Variants in EML6 observed in about 807,000 individuals in gnomAD.
The protein encoded by EML6 is EMAP like 6.
Under a neutral mutation model 240.1 loss-of-function variants are expected in EML6, and 154 were observed. The observed-to-expected ratio is 0.64, with a 90% CI of 0.56 to 0.73. The LOEUF (loss-of-function observed/expected upper bound fraction) is 0.73. EML6 is among the 30% of genes least tolerant of loss of function. EML6 has a pLI of 0.00. For missense variants in EML6, 2,964 were observed against 2,474.6 expected (o/e 1.20, Z -4.20); for synonymous variants, 1,148 against 899.0 (o/e 1.28, Z -4.95).
chr2:54,918,683 C>A (rs1383365189), intron 26 of EML6, among the ~76,000 whole-genome samples: 2 of 152,290 alleles, frequency 1.3e-5, no homozygotes, highest in Non-Finnish European at 2.9e-5. Context: ...TGTAACAATT[C>A]TTTAATCAGT....
intron 16 of EML6, among the ~76,000 whole-genome samples, chr2:54,877,895 A>C (rs1396555405): frequency 6.6e-6 from 1 of 152,224 alleles, no homozygotes; most frequent in African/African-American, 2.4e-5. Context: ...ACTCTCCTTC[A>C]TCCAGAAAAG....
At chr2:54,932,524 C>A (rs928542702) in intron 28 of EML6, among the ~76,000 whole-genome samples, 1 of 152,180 alleles carries the variant, frequency 6.6e-6, no homozygotes, top group Non-Finnish European at 1.5e-5. Flanking sequence ...ACACCTCTTA[C>A]TCTCAACTTT....
chr2:54,794,714 A>C (rs1272575450), intron 2 of EML6, among the ~76,000 whole-genome samples: 1 of 152,198 alleles, frequency 6.6e-6, no homozygotes, highest in African/African-American at 2.4e-5. Flanking sequence ...GATTAACTTT[A>C]ATAGTAAAAA....
intron 2 of EML6, among the ~76,000 whole-genome samples, chr2:54,806,223 G>C (rs2104000033): frequency 6.6e-6 from 1 of 152,166 alleles, no homozygotes; most frequent in East Asian, 1.9e-4. Context: ...ATTCCAAATG[G>C]TTTTTACCAG....
intron 5 of EML6, among the ~76,000 whole-genome samples, chr2:54,820,695 G>T (rs1668293142): frequency 6.6e-6 from 1 of 152,130 alleles, no homozygotes; most frequent in South Asian, 2.1e-4. Flanking sequence ...AGCTGAAAAG[G>T]AAATTTTATG....
chr2:54,797,583 A>G (rs1025107725), intron 2 of EML6, among the ~76,000 whole-genome samples: 5 of 152,090 alleles, frequency 3.3e-5, no homozygotes, highest in African/African-American at 1.2e-4. Context: ...CTAAGTGTGC[A>G]ATAGCATTAT....
Position 54,957,951 on chromosome 2 carries a change from C to T in EML6, c.4648C>T (p.Leu1550=), listed in dbSNP as rs1308293383. The stretch of plus-strand genomic sequence containing the variant: ...TTACAAGAAAGGGGTCATCGGGTCC[C>T]TGGGAGCTGCCAAAATGCAGACGAT... ...LLYKKGVIGS[L]GAAKMQTMLS... Residue 1550 remains leucine (L), a synonymous_variant, in exon 33 of 42, where the codon CTG becomes TTG. Coordinates refer to ENST00000356458, the MANE Select transcript of EML6 (RefSeq NM_001039753.4). The T allele has an allele frequency of 6.4e-7, 1 of 1,551,458 alleles. No individual in the cohort carries two copies. The highest frequency in any genetic ancestry group is 1.4e-5 in the African/African-American group (1 of 73,032).
Position 54,948,279 on chromosome 2 carries a change from A to AG in EML6, c.4005-602dup, listed in dbSNP as rs759065875. Among the ~76,000 whole-genome samples, 3 of 152,264 alleles carry AG rather than the reference A, an allele frequency of 2.0e-5. No homozygotes were observed. In the East Asian group the frequency reaches 5.8e-4, roughly 29 times the overall value. Reference sequence around the variant, plus strand: ...GTGGTAGCAGCTGAATGCAGACCCGAGTCCTGAGGCGAGGGCGGAGTGGGA... The same window carrying AG: ...GTGGTAGCAGCTGAATGCAGACCCGAGGTCCTGAGGCGAGGGCGGAGTGGGA... On this transcript the variant is annotated intron_variant, in intron 28 of 41. Coordinates refer to ENST00000356458, the MANE Select transcript of EML6 (RefSeq NM_001039753.4).
chr2:54,791,687 G>A (rs975392191), intron 2 of EML6, among the ~76,000 whole-genome samples: 4 of 152,166 alleles, frequency 2.6e-5, no homozygotes, highest in Non-Finnish European at 5.9e-5. Context: ...ATGTTAGCCT[G>A]CAGGCTAGAG....
chr2:54,968,478 G>A (rs1676847846), intron 40 of EML6, among the ~76,000 whole-genome samples, 190 bp from the exon 41 acceptor site: 1 of 152,192 alleles, frequency 6.6e-6, no homozygotes, highest in Non-Finnish European at 1.5e-5. Context: ...TGGATAAAAT[G>A]ACCTGAAGTG....
At chr2:54,821,051 C>G (rs1572951231) in intron 5 of EML6, among the ~76,000 whole-genome samples, 1 of 152,096 alleles carries the variant, frequency 6.6e-6, no homozygotes. Context: ...TCTGACATAG[C>G]AAAAATTTCT....
chr2:54,782,582 C>T (rs1431131583), intron 2 of EML6, among the ~76,000 whole-genome samples: 2 of 151,914 alleles, frequency 1.3e-5, no homozygotes, highest in Non-Finnish European at 2.9e-5. Flanking sequence ...TCTTGTATGA[C>T]TTCTCAGTTT....
At chr2:54,922,170 A>G (rs1674290952) in intron 26 of EML6, among the ~76,000 whole-genome samples, 1 of 152,236 alleles carries the variant, frequency 6.6e-6, no homozygotes, top group Non-Finnish European at 1.5e-5. Context: ...TGTTTCTGAT[A>G]AAGGGTTAAT....
intron 17 of EML6, among the ~76,000 whole-genome samples, chr2:54,884,560 A>G (rs1672018648): frequency 6.6e-6 from 1 of 152,190 alleles, no homozygotes; most frequent in Non-Finnish European, 1.5e-5. Flanking sequence ...GCGGCCATCA[A>G]GTCAATCATG....
intron 5 of EML6, among the ~76,000 whole-genome samples, chr2:54,823,520 C>G (rs189586987): frequency 6.6e-6 from 1 of 152,248 alleles, no homozygotes; most frequent in Admixed American, 6.5e-5. Flanking sequence ...GCCAATAAAT[C>G]ACGGGTTCCT....
intron 26 of EML6, among the ~76,000 whole-genome samples, chr2:54,926,596 C>A (rs1674559477): frequency 1.3e-5 from 2 of 152,226 alleles, no homozygotes; most frequent in Non-Finnish European, 2.9e-5. Flanking sequence ...CACTATACAT[C>A]CCTGCCAGTG....
Position 54,837,616 on chromosome 2 carries a change from G to A in EML6, c.848-6431G>A, listed in dbSNP as rs7587943. ...GGGCTTTCCGATCCAGTGGGGTAGA[G>A]TTTGCCAGCATGTGACTGAAGAACC... On this transcript the variant is annotated intron_variant, in intron 7 of 41. Transcript: ENST00000356458. Among the ~76,000 whole-genome samples, 1,359 of 152,314 alleles carry A rather than the reference G, an allele frequency of 8.9e-3. 13 individuals carry two copies. The highest frequency in any genetic ancestry group is 0.031 in the African/African-American group (1,299 of 41,552).
chr2:54,853,715 C>T lies in EML6; in HGVS notation c.1517C>T (p.Pro506Leu). The change falls in exon 11 of 42, where the codon CCT becomes CTT. Residue 506 changes from proline to leucine, a missense_variant. Transcript: ENST00000356458. ...GCCTCCTGGACATGCGTGAAAGGCC[C>T]TGAAGTGAGTGGAATTTGGCCCAAA... ...PWASWTCVKG[P>L]EVSGIWPKYT... 2 of 1,551,502 alleles carry T rather than the reference C, an allele frequency of 1.3e-6. No homozygotes were observed. The highest frequency in any genetic ancestry group is 1.7e-6 in the Non-Finnish European group (2 of 1,146,896).
chr2:54,941,361 A>G (rs913952558), intron 28 of EML6, among the ~76,000 whole-genome samples: 6 of 152,134 alleles, frequency 3.9e-5, no homozygotes, highest in Non-Finnish European at 7.3e-5. Context: ...GGGAATTTCA[A>G]GCTCGCCTGA....
Sources: gnomAD v4.1 joint callset for allele counts (sites outside exome capture counted in the v4.1 genomes callset) on GRCh38, gnomAD v4.1.1 for gene constraint, MANE v1.5 for transcripts, NCBI Gene and HGNC (gene_info 2026-07-23, HGNC 2026-07-21) for gene names.